The following CDH12 variants were observed in gnomAD, a reference collection of about 807,000 sequenced individuals.
CDH12 encodes the protein cadherin-12.
CDH12 carries 41 observed loss-of-function variants against 74.1 expected under a neutral mutation model. That is an observed-to-expected ratio of 0.55 (90% CI 0.43 to 0.72). The LOEUF (loss-of-function observed/expected upper bound fraction) is 0.72, where lower values mean the gene tolerates loss of function less well. Among genes scored for constraint, CDH12 ranks in the 30% least tolerant of loss-of-function variants. CDH12 has a pLI of 0.00. For synonymous variants in CDH12, 399 were observed against 355.0 expected (o/e 1.12, Z -1.39); for missense variants, 945 against 977.2 (o/e 0.97, Z 0.44).
At chr5:22,395,187 G>T (rs2126429943) in intron 3 of CDH12, among the ~76,000 whole-genome samples, 1 of 152,240 alleles carries the variant, frequency 6.6e-6, no homozygotes, top group East Asian at 1.9e-4. Context: ...AAAGGTAGAG[G>T]AATCTTTGAG....
intron 2 of CDH12, among the ~76,000 whole-genome samples, chr5:22,504,618 G>A (rs1015263364): frequency 4.6e-5 from 7 of 152,124 alleles, no homozygotes; most frequent in Non-Finnish European, 8.8e-5. Context: ...ACCAAGCGGG[G>A]AGTGTCAAAG....
chr5:21,968,453 T>G (rs1756684277), intron 6 of CDH12, among the ~76,000 whole-genome samples: 1 of 152,194 alleles, frequency 6.6e-6, no homozygotes, highest in South Asian at 2.1e-4. Flanking sequence ...ATCCAAGTAC[T>G]ATTGCAAGTA....
At chr5:21,777,735 C>T (rs371962870) in intron 11 of CDH12, among the ~76,000 whole-genome samples, 2 of 152,182 alleles carry the variant, frequency 1.3e-5, no homozygotes, top group East Asian at 3.9e-4. Context: ...AAGTGATCCT[C>T]TTGCCTTGGC....
chr5:21,888,506 G>A (rs1026933595), intron 6 of CDH12, among the ~76,000 whole-genome samples: 8 of 151,812 alleles, frequency 5.3e-5, no homozygotes, highest in Non-Finnish European at 1.5e-5. Context: ...CGAGTTAATG[G>A]GTGCAGCACA....
chr5:21,884,889 T>C (rs1752546862), intron 6 of CDH12, among the ~76,000 whole-genome samples: 1 of 152,168 alleles, frequency 6.6e-6, no homozygotes, highest in South Asian at 2.1e-4. Context: ...TTTTTGCTTG[T>C]TTGCTTGTTT....
At chr5:22,209,507 CT>C (rs764324229) in intron 4 of CDH12, among the ~76,000 whole-genome samples, 65 of 152,126 alleles carry the variant, frequency 4.3e-4, no homozygotes, top group Non-Finnish European at 7.1e-4. Context: ...GAATTTATAC[CT>C]CTACATTTTA....
intron 3 of CDH12, among the ~76,000 whole-genome samples, chr5:22,248,488 T>C (rs1265585511): frequency 6.6e-6 from 1 of 152,198 alleles, no homozygotes; most frequent in East Asian, 1.9e-4. Flanking sequence ...TCTGTACTCC[T>C]TTCTTGTCTT....
At chr5:22,390,588 A>AGATC (rs1742202780) in intron 3 of CDH12, among the ~76,000 whole-genome samples, 2 of 140,778 alleles carry the variant, frequency 1.4e-5, no homozygotes, top group South Asian at 5.2e-4. Context: ...ATAGATAGAT[A>AGATC]GATAGATAGA....
chr5:21,886,540 AAT>A (rs1190095655), intron 6 of CDH12, among the ~76,000 whole-genome samples: 2 of 146,592 alleles, frequency 1.4e-5, no homozygotes, highest in Non-Finnish European at 3.0e-5. Flanking sequence ...TATTATATAT[AAT>A]ATATATAAAT....
chr5:22,613,454 C>T (rs1024283915), intron 1 of CDH12, among the ~76,000 whole-genome samples: 48 of 151,744 alleles, frequency 3.2e-4, no homozygotes, highest in African/African-American at 1.1e-3. Context: ...TTCGGAGCTA[C>T]ATTGAAAGTC....
rs57573604 is a variant in CDH12, at chr5:21,877,889, T to C, written c.527-23099A>G. On this transcript the variant is annotated intron_variant, in intron 6 of 14. Coordinates refer to ENST00000382254, the MANE Select transcript of CDH12 (RefSeq NM_004061.5). ...ACTGCATTGATACCCATTAGAAAAA[T>C]GGATATCATGTGTGGAAAATCCATT... 9.1e-3 allele frequency among the ~76,000 whole-genome samples: 1,393 copies of C among 152,278 alleles called. 22 individuals are homozygous for C. Among genetic ancestry groups the C allele is most frequent in the African/African-American group, 0.032 (1,316 of 41,556 alleles).
At chr5:22,649,512 G>T (rs1324135406) in intron 1 of CDH12, among the ~76,000 whole-genome samples, 1 of 152,012 alleles carries the variant, frequency 6.6e-6, no homozygotes, top group Admixed American at 6.6e-5. Context: ...AAAGAACAGA[G>T]TTGAGTTTTA....
chr5:21,829,925 G>T (rs1443100962), intron 8 of CDH12, among the ~76,000 whole-genome samples: 1 of 151,952 alleles, frequency 6.6e-6, no homozygotes, highest in Non-Finnish European at 1.5e-5. Context: ...TGGGCCTGGT[G>T]TGGTGGCTCA....
At chr5:22,211,627 G>A (rs1413861210) in intron 4 of CDH12, among the ~76,000 whole-genome samples, 1 of 151,724 alleles carries the variant, frequency 6.6e-6, no homozygotes, top group African/African-American at 2.4e-5. Flanking sequence ...TTTTTAACAA[G>A]CTTACAAGAA....
At chr5:22,781,700 C>T (rs1185036121) in intron 1 of CDH12, among the ~76,000 whole-genome samples, 1 of 152,162 alleles carries the variant, frequency 6.6e-6, no homozygotes, top group African/African-American at 2.4e-5. Flanking sequence ...TTAATTTCCC[C>T]TGCTTCTTCG....
intron 4 of CDH12, among the ~76,000 whole-genome samples, chr5:22,134,034 G>A (rs914450581): frequency 6.6e-6 from 1 of 152,056 alleles, no homozygotes; most frequent in Non-Finnish European, 1.5e-5. Context: ...AAGCAAATGG[G>A]AGAAGAATTA....
At chr5:22,748,348 T>C (rs1745394252) in intron 1 of CDH12, among the ~76,000 whole-genome samples, 1 of 151,838 alleles carries the variant, frequency 6.6e-6, no homozygotes, top group African/African-American at 2.4e-5. Context: ...ATAGACTGGA[T>C]GTAGCAAAGT....
intron 6 of CDH12, among the ~76,000 whole-genome samples, chr5:21,972,440 G>A (rs16900710): frequency 0.017 from 2,618 of 152,078 alleles, 57 homozygotes; most frequent in South Asian, 0.06. Context: ...GTATTCTCAG[G>A]AAAATGATAC....
At chr5:21,855,793 C>G (rs1489561726) in intron 6 of CDH12, among the ~76,000 whole-genome samples, 1 of 151,592 alleles carries the variant, frequency 6.6e-6, no homozygotes, top group Middle Eastern at 3.2e-3. Context: ...ACTCATTCAG[C>G]CTTTTCTCTA....
Sources: allele counts gnomAD v4.1 joint callset (sites outside exome capture counted in the v4.1 genomes callset), GRCh38; gene constraint gnomAD v4.1.1; transcripts MANE v1.5; gene names NCBI Gene and HGNC (gene_info 2026-07-23, HGNC 2026-07-21).